ARHGAP35: variants seen among roughly 807,000 people sequenced by gnomAD.
ARHGAP35 encodes the protein rho GTPase-activating protein 35.
Under a neutral mutation model 111.1 loss-of-function variants are expected in ARHGAP35, and 15 were observed. That is an observed-to-expected ratio of 0.13 (90% CI 0.09 to 0.21). ARHGAP35 has a LOEUF of 0.21. Among genes scored for constraint, ARHGAP35 ranks in the 10% least tolerant of loss-of-function variants. The probability of loss-of-function intolerance (pLI) is 1.00; values close to 1 mark genes in which losing one functional copy is unlikely to be tolerated. For missense variants in ARHGAP35, 1,262 were observed against 1,873.0 expected (o/e 0.67, Z 6.02); for synonymous variants, 643 against 710.3 (o/e 0.91, Z 1.51).
intron 1 of ARHGAP35, among the ~76,000 whole-genome samples, chr19:46,871,124 G>A (rs1369565946): frequency 6.6e-6 from 1 of 152,160 alleles, no homozygotes; most frequent in Non-Finnish European, 1.5e-5. Flanking sequence ...GGATAACGGT[G>A]ATTTCATTGT....
chr19:46,912,913 G>T (rs1420325278), intron 1 of ARHGAP35, among the ~76,000 whole-genome samples: 6 of 151,918 alleles, frequency 3.9e-5, no homozygotes, highest in Admixed American at 3.3e-4. Flanking sequence ...GAAATACGAG[G>T]TTTTAAGGAG....
At chr19:46,898,230 G>T (rs1350478079) in intron 1 of ARHGAP35, among the ~76,000 whole-genome samples, 1 of 146,634 alleles carries the variant, frequency 6.8e-6, no homozygotes, top group East Asian at 2.0e-4. Flanking sequence ...TACAATGCGA[G>T]ACTCCGTCTC....
chr19:46,878,327 T>G (rs1485463182), intron 1 of ARHGAP35, among the ~76,000 whole-genome samples: 3 of 151,336 alleles, frequency 2.0e-5, no homozygotes, highest in Non-Finnish European at 2.9e-5. Context: ...TTGGCCTAAT[T>G]TTTATTTTTT....
intron 1 of ARHGAP35, among the ~76,000 whole-genome samples, chr19:46,891,584 G>A (rs2056024164): frequency 2.6e-5 from 4 of 151,876 alleles, no homozygotes; most frequent in Admixed American, 2.6e-4. Flanking sequence ...GCACCACCAT[G>A]CCCAGCTAAT....
Position 46,988,382 on chromosome 19 carries a change from C to T in ARHGAP35, c.3904+316C>T, listed in dbSNP as rs2056662499. The T allele has an allele frequency of 3.0e-6, 1 of 335,170 alleles. No individual in the cohort carries two copies. The highest frequency in any genetic ancestry group is 5.8e-6 in the Non-Finnish European group (1 of 173,714). 20.8% of individuals were successfully genotyped at this position (335,170 alleles called of 1,614,324 possible). A position where few individuals can be genotyped will look rare whatever the true frequency, so the allele number is the denominator to read the frequency against. On this transcript the variant is annotated intron_variant, in intron 4 of 6. Transcript: ENST00000672722. The surrounding 1 kb of genome is among the most constrained non-coding windows in gnomAD (Gnocchi z 5.4). The stretch of plus-strand genomic sequence containing the variant: ...ACACTGAAGAGCTTTGCCTGTTTTC[C>T]CATGCAGAGCTAGTTGCAGGCACAT...
chr19:46,985,564 A>G lies in ARHGAP35; in HGVS notation c.3827-2425A>G, dbSNP rs546278627. On this transcript the variant is annotated intron_variant, in intron 3 of 6. Coordinates refer to ENST00000672722, the MANE Select transcript of ARHGAP35 (RefSeq NM_004491.5). ...TAGTTTCCTCATGTGTGTATTCTCT[A>G]CCTACCCAATAGCTCTTCCCATGAG... Among the ~76,000 whole-genome samples the G allele has an allele frequency of 3.9e-5, 6 of 152,306 alleles. No homozygotes were observed. The South Asian group carries it at 1.2e-3, about 32-fold the overall frequency.
Position 46,989,233 on chromosome 19 carries a change from G to A in ARHGAP35, c.3905-311G>A. On this transcript the variant is annotated intron_variant, in intron 4 of 6. Transcript: ENST00000672722. The surrounding 1 kb of genome is among the most constrained non-coding windows in gnomAD (Gnocchi z 5.3). ...GTGATGGGAAGGGAGTAAGGAAGAG[G>A]CAACAGCATATCAAAGCCAGATGAA... 3.7e-6 allele frequency: 1 copy of A among 269,802 alleles called. No homozygotes were observed. Among genetic ancestry groups the A allele is most frequent in the East Asian group, 7.6e-5 (1 of 13,130 alleles). 16.7% of individuals were successfully genotyped at this position (269,802 alleles called of 1,614,324 possible). A position where few individuals can be genotyped will look rare whatever the true frequency, so the allele number is the denominator to read the frequency against.
rs573753243 is a variant in ARHGAP35 at position 46,902,915 on chromosome 19, C to T, written c.-188-15573C>T. On this transcript the variant is annotated intron_variant, in intron 1 of 6. Coordinates refer to ENST00000672722, the MANE Select transcript of ARHGAP35 (RefSeq NM_004491.5). ...ATCTGAATGCAATCTATGATGTCCT[C>T]AGTGAAGAAAACTAAAGGGTTGGTG... Among the ~76,000 whole-genome samples the T allele has an allele frequency of 2.0e-4, 31 of 152,254 alleles. 2 individuals are homozygous for T. The South Asian group carries it at 5.0e-3, about 24-fold the overall frequency.
intron 3 of ARHGAP35, among the ~76,000 whole-genome samples, chr19:46,978,293 A>G (rs1227766870): frequency 1.3e-5 from 2 of 152,238 alleles, no homozygotes; most frequent in Non-Finnish European, 2.9e-5. Context: ...CTGGGCTGTG[A>G]TTGGTGACAT....
At chr19:46,950,536 T>C (rs1363649405) in intron 3 of ARHGAP35, among the ~76,000 whole-genome samples, 6 of 152,232 alleles carry the variant, frequency 3.9e-5, no homozygotes, top group Admixed American at 3.9e-4. Context: ...GAAGGGGTAA[T>C]AATCTCTGAG....
chr19:46,941,448 G>C (rs1382436861), intron 3 of ARHGAP35, among the ~76,000 whole-genome samples: 1 of 151,896 alleles, frequency 6.6e-6, no homozygotes, highest in Non-Finnish European at 1.5e-5. Flanking sequence ...CGCATCTGTG[G>C]TCCCAGCTAC....
chr19:46,984,957 GC>G (rs1213962971), intron 3 of ARHGAP35, among the ~76,000 whole-genome samples: 2 of 152,198 alleles, frequency 1.3e-5, no homozygotes, highest in Admixed American at 1.3e-4. Context: ...GTCTTCTGCA[GC>G]TCGGAGACTG....
chr19:46,924,474 GCTGA>G (rs2056227140), intron 2 of ARHGAP35, among the ~76,000 whole-genome samples: 1 of 152,190 alleles, frequency 6.6e-6, no homozygotes, highest in African/African-American at 2.4e-5. Context: ...CCCCACCTGT[GCTGA>G]CTATTAATAA....
chr19:46,985,146 G>A (rs2056642302), intron 3 of ARHGAP35, among the ~76,000 whole-genome samples: 1 of 152,190 alleles, frequency 6.6e-6, no homozygotes. Context: ...GAAGACTTGA[G>A]CCTGCTGACA....
intron 1 of ARHGAP35, among the ~76,000 whole-genome samples, 41 bp downstream of exon 1, chr19:46,861,250 G>A (rs1452906937): frequency 6.6e-6 from 1 of 151,272 alleles, no homozygotes; most frequent in Non-Finnish European, 1.5e-5. Flanking sequence ...GCGAGGCCGG[G>A]CGCCGCCCCG....
intron 2 of ARHGAP35, among the ~76,000 whole-genome samples, chr19:46,925,839 G>GCAT (rs1205466149): frequency 6.6e-6 from 1 of 152,150 alleles, no homozygotes; most frequent in South Asian, 2.1e-4. Flanking sequence ...ATGAACACCG[G>GCAT]GCGTAGTGCA....
At chr19:46,861,549 C>T (rs2055827351) in intron 1 of ARHGAP35, among the ~76,000 whole-genome samples, 1 of 151,160 alleles carries the variant, frequency 6.6e-6, no homozygotes, top group East Asian at 2.0e-4. Context: ...TTCTGCGCCC[C>T]CCTTCCCCCT....
chr19:46,897,456 T>C (rs1488392243), intron 1 of ARHGAP35, among the ~76,000 whole-genome samples: 2 of 151,964 alleles, frequency 1.3e-5, no homozygotes, highest in African/African-American at 4.8e-5. Flanking sequence ...TCTTTTTTTT[T>C]TTTTTTACGA....
intron 3 of ARHGAP35, among the ~76,000 whole-genome samples, chr19:46,962,075 T>A (rs753568333): frequency 1.3e-4 from 20 of 152,192 alleles, no homozygotes; most frequent in Non-Finnish European, 2.1e-4. Context: ...GCTTCTGGAA[T>A]GCTGGGATGT....
Sources: allele counts gnomAD v4.1 joint callset (sites outside exome capture counted in the v4.1 genomes callset), GRCh38; gene constraint gnomAD v4.1.1; non-coding constraint Gnocchi (gnomAD v3.1); transcripts MANE v1.5; gene names NCBI Gene and HGNC (gene_info 2026-07-23, HGNC 2026-07-21).